Variants in RBP5 observed in about 807,000 individuals in gnomAD.
RBP5 encodes the protein retinol-binding protein 5.
Under a neutral mutation model 17.8 loss-of-function variants are expected in RBP5, and 12 were observed. That is an observed-to-expected ratio of 0.67 (90% confidence interval 0.43 to 1.09). The LOEUF (loss-of-function observed/expected upper bound fraction) is 1.09, where lower values mean the gene tolerates loss of function less well. Among genes scored for constraint, RBP5 ranks in the 50% least tolerant of loss-of-function variants. The pLI, the probability that RBP5 is intolerant of heterozygous loss-of-function variation, is 0.00. For synonymous variants in RBP5, 64 were observed against 68.1 expected (o/e 0.94, Z 0.30); for missense variants, 172 against 169.4 (o/e 1.02, Z -0.09).
Position 7,128,285 on chromosome 12 carries a change from C to T in RBP5, c.207G>A (p.Val69=), listed in dbSNP as rs1939209263. The T allele has an allele frequency of 1.9e-6, 3 of 1,614,150 alleles. No homozygotes were observed. Among genetic ancestry groups the T allele is most frequent in the Non-Finnish European group, 2.5e-6 (3 of 1,180,004 alleles). ...RNYTVQFDVG[V]EFEEDLRSVD... ...CGCTCCTGAGGTCCTCCTCAAACTC[C>T]ACTCCCACATCAAACTGCACAGTGT... Residue 69 remains valine, a synonymous_variant, in exon 2 of 4, where the codon GTG becomes GTA. Coordinates refer to ENST00000266560, the MANE Select transcript of RBP5 (RefSeq NM_031491.4). The surrounding 1 kb of genome is among the most constrained non-coding windows in gnomAD (Gnocchi z 5.3).
chr12:7,128,301 T>C lies in RBP5; in HGVS notation c.191A>G (p.Gln64Arg), dbSNP rs764077854. 8.1e-6 allele frequency: 13 copies of C among 1,614,106 alleles called. No individual in the cohort carries two copies. In the South Asian group the frequency reaches 9.9e-5, roughly 12 times the overall value. ...TLSTFRNYTV[Q>R]FDVGVEFEED... ...CTCAAACTCCACTCCCACATCAAAC[T>C]GCACAGTGTAGTTTCGGAAGGTGCT... The change falls in exon 2 of 4, where the codon CAG (glutamine) becomes CGG (arginine). Residue 64 changes from glutamine (Q) to arginine (R), a missense_variant. Coordinates refer to ENST00000266560, the MANE Select transcript of RBP5 (RefSeq NM_031491.4). This position sits in a 1 kb window ranked among gnomAD's most constrained non-coding sequence, Gnocchi z 5.3.
At chr12:7,120,292 A>G (rs1188246041), downstream of RBP5, among the ~76,000 whole-genome samples, 1 of 152,136 alleles carries the variant, frequency 6.6e-6, no homozygotes, top group Non-Finnish European at 1.5e-5. Context: ...CATATTCAGC[A>G]TGGAGCACAG....
chr12:7,126,517 GTGTGTGTGTGTGTGTGTGT>G (rs1939166708), intron 2 of RBP5, among the ~76,000 whole-genome samples: 2 of 88,434 alleles, frequency 2.3e-5, no homozygotes, highest in East Asian at 2.5e-4. Flanking sequence ...GGTGGTGTGT[GTGTGTGTGTGTGTGTGTGT>G]GTGTGTGTGT....
At position 7,124,690 on chromosome 12, in the gene RBP5, T is replaced by A. The variant is rs1939131493; in HGVS notation, c.293A>T (p.Gln98Leu). 1.2e-6 allele frequency: 2 copies of A among 1,613,046 alleles called. No homozygotes were observed. Among genetic ancestry groups the A allele is most frequent in the East Asian group, 4.5e-5 (2 of 44,864 alleles). ...GCCCCGGTTGGGGACCTCCCCTTTC[T>A]GCACACACACCAGGTGCTCCTCCTC... ...TWEEEHLVCV[Q>L]KGEVPNRGWR... The change falls in exon 3 of 4, where the codon CAG (glutamine) becomes CTG (leucine). Residue 98 changes from glutamine (Q) to leucine (L), a missense_variant. Gln to Leu is a moderately radical substitution (Grantham distance 113, BLOSUM62 -2). Coordinates refer to ENST00000266560, the MANE Select transcript of RBP5 (RefSeq NM_031491.4). The surrounding 1 kb of genome is among the most constrained non-coding windows in gnomAD (Gnocchi z 5.3).
intron 2 of RBP5, among the ~76,000 whole-genome samples, chr12:7,127,883 A>G (rs1419170863): frequency 6.6e-6 from 1 of 152,274 alleles, no homozygotes; most frequent in Non-Finnish European, 1.5e-5. Flanking sequence ...TGTAAGAAGT[A>G]GAAAGAAATG....
upstream of RBP5, chr12:7,129,034 G>A (rs1349244572): frequency 1.4e-5 from 6 of 434,830 alleles, no homozygotes; most frequent in South Asian, 4.4e-5. This position sits in a 1 kb window ranked among gnomAD's most constrained non-coding sequence, Gnocchi z 5.5. Flanking sequence ...GCAAAGTTGC[G>A]CCTGACCTTG....
chr12:7,120,403 G>A (rs1939064251), downstream of RBP5: 1 of 155,264 alleles, frequency 6.4e-6, no homozygotes, highest in Admixed American at 6.5e-5. Context: ...GGTTCTCTGG[G>A]TACTCCTTGC....
At chr12:7,129,190 C>T, upstream of RBP5, 2 of 265,626 alleles carry the variant, frequency 7.5e-6, no homozygotes, top group Admixed American at 8.7e-5. This position sits in a 1 kb window ranked among gnomAD's most constrained non-coding sequence, Gnocchi z 5.5. Context: ...TGGGAACCGT[C>T]CCAGGGCCTG....
chr12:7,128,943 G>A (rs987679486), upstream of RBP5: 1 of 642,880 alleles, frequency 1.6e-6, no homozygotes, highest in African/African-American at 1.8e-5. The surrounding 1 kb of genome is among the most constrained non-coding windows in gnomAD (Gnocchi z 5.3). Flanking sequence ...GTTGCAATAA[G>A]AGTCCCTACC....
chr12:7,119,615 T>C (rs774473545), downstream of RBP5: 1 of 154,976 alleles, frequency 6.5e-6, no homozygotes, highest in African/African-American at 2.4e-5. Context: ...GTAGTGGCAC[T>C]TGATGCCTTG....
chr12:7,129,027 A>C, upstream of RBP5: 6 of 442,332 alleles, frequency 1.4e-5, no homozygotes, highest in South Asian at 1.3e-4. The surrounding 1 kb of genome is among the most constrained non-coding windows in gnomAD (Gnocchi z 5.5). Context: ...GGATTTGGCA[A>C]AGTTGCGCCT....
chr12:7,128,132 C>G lies in RBP5; in HGVS notation c.252+108G>C, dbSNP rs766230803. On this transcript the variant is annotated intron_variant, in intron 2 of 3. Transcript: ENST00000266560. The surrounding 1 kb of genome is among the most constrained non-coding windows in gnomAD (Gnocchi z 5.3). ...ATTCCCTGCTGTGGTGACCATTCCCCTCCTCCCCGCTGCTCTGGCTGGGGA... is the reference window on the plus strand; with the variant it reads ...ATTCCCTGCTGTGGTGACCATTCCCGTCCTCCCCGCTGCTCTGGCTGGGGA... 1.0e-6 allele frequency: 1 copy of G among 984,252 alleles called. No homozygotes were observed. Among genetic ancestry groups the G allele is most frequent in the Admixed American group, 2.6e-5 (1 of 37,830 alleles). The allele number at this position is 984,252 out of a possible 1,614,324, so 61.0% of individuals were successfully genotyped here.
At chr12:7,129,576 G>T, upstream of RBP5, 1 of 981,294 alleles carries the variant, frequency 1.0e-6, no homozygotes, top group South Asian at 4.7e-5. This position sits in a 1 kb window ranked among gnomAD's most constrained non-coding sequence, Gnocchi z 5.5. Context: ...CTCCCTCTGA[G>T]TCATCGATGA....
At position 7,128,832 on chromosome 12, in the gene RBP5, T is replaced by C; in HGVS notation, c.-57A>G. 7.3e-7 allele frequency: 1 copy of C among 1,369,410 alleles called. No individual in the cohort carries two copies. The highest frequency in any genetic ancestry group is 2.5e-5 in the East Asian group (1 of 40,570). 84.8% of individuals were successfully genotyped at this position (1,369,410 alleles called of 1,614,324 possible). A position where few individuals can be genotyped will look rare whatever the true frequency, so the allele number is the denominator to read the frequency against. On this transcript the variant is annotated 5_prime_UTR_variant, in exon 1 of 4. Transcript: ENST00000266560. The surrounding 1 kb of genome is among the most constrained non-coding windows in gnomAD (Gnocchi z 5.3). ...AGACAGGGTGAGGAAGGAGGGGGTG[T>C]TGTCTGGCAGGTGAGGCTGAGAGAT... is the stretch of plus-strand genomic sequence containing the variant.
Position 7,123,977 on chromosome 12 carries a change from C to T in RBP5, c.*144G>A, listed in dbSNP as rs2290238. On this transcript the variant is annotated 3_prime_UTR_variant, in exon 4 of 4. Coordinates refer to ENST00000266560, the MANE Select transcript of RBP5 (RefSeq NM_031491.4). ...GGGGGCTGCAAGTTACAGATTAACA[C>T]GGGGAGGGGTGAGGAGGGACCCAGA... The T allele has an allele frequency of 0.087, 63,014 of 724,484 alleles. 3,296 individuals are homozygous for T. The highest frequency in any genetic ancestry group is 0.18 in the East Asian group (7,152 of 39,052). 44.9% of individuals were successfully genotyped at this position (724,484 alleles called of 1,614,324 possible).
rs1250246952 is a variant in RBP5, at chr12:7,117,094, G to A, written n.1103C>T. ...TGGGGCTGGAGGTCTGCTTCCAGAC[G>A]GTCACTCACATGGATGTGGGCAGGC... On this transcript the variant is annotated non_coding_transcript_exon_variant, in exon 4 of 4. Transcript: ENST00000619522. This position sits in a 1 kb window ranked among gnomAD's most constrained non-coding sequence, Gnocchi z 4.9. The A allele has an allele frequency of 2.0e-5, 3 of 152,166 alleles. No individual in the cohort carries two copies. Among genetic ancestry groups the A allele is most frequent in the East Asian group, 3.9e-4 (2 of 5,184 alleles). The allele number at this position is 152,166 out of a possible 1,614,324, so 9.4% of individuals were successfully genotyped here. A position where few individuals can be genotyped will look rare whatever the true frequency, so the allele number is the denominator to read the frequency against.
At chr12:7,129,906 T>C (rs1361824061), upstream of RBP5, 3 of 705,978 alleles carry the variant, frequency 4.2e-6, no homozygotes, top group Non-Finnish European at 5.2e-6. The surrounding 1 kb of genome is among the most constrained non-coding windows in gnomAD (Gnocchi z 5.5). Context: ...GACCGCCCTG[T>C]GGCTTCCTCG....
rs144592247 is a variant in RBP5, at chr12:7,124,655, A to G, written c.328T>C (p.Trp110Arg). The stretch of plus-strand genomic sequence containing the variant: ...AGATACAGCATCTCTCCCTCCAGCC[A>G]GTGTCTCCAGCCCCGGTTGGGGACC... ...GEVPNRGWRH[W>R]LEGEMLYLEL... Residue 110 changes from tryptophan (W) to arginine (R), a missense_variant, in exon 3 of 4, where the codon TGG (tryptophan) becomes CGG (arginine). Transcript: ENST00000266560. This position sits in a 1 kb window ranked among gnomAD's most constrained non-coding sequence, Gnocchi z 5.3. The G allele has an allele frequency of 3.3e-4, 525 of 1,606,582 alleles. 3 individuals are homozygous for G. The African/African-American group carries it at 6.3e-3, about 19-fold the overall frequency.
intron 3 of RBP5, chr12:7,118,398 C>T (rs1047206006): frequency 6.6e-6 from 1 of 152,238 alleles, no homozygotes; most frequent in Admixed American, 6.5e-5. Flanking sequence ...CACAGGCACA[C>T]AGAAGTGAAA....
Sources: allele counts gnomAD v4.1 joint callset (sites outside exome capture counted in the v4.1 genomes callset), GRCh38; gene constraint gnomAD v4.1.1; non-coding constraint Gnocchi (gnomAD v3.1); transcripts MANE v1.5; gene names NCBI Gene and HGNC (gene_info 2026-07-23, HGNC 2026-07-21).